The following TERT variants were observed in gnomAD, a reference collection of about 807,000 sequenced individuals.
TERT encodes the protein telomerase catalytic subunit.
A neutral mutation model predicts 104.0 loss-of-function variants in TERT; 42 were observed. The ratio of observed to expected loss-of-function variants is 0.40; its 90% CI spans 0.32 to 0.52. The LOEUF (loss-of-function observed/expected upper bound fraction) is 0.52, where lower values mean the gene tolerates loss of function less well. Ranked by LOEUF, TERT falls within the 20% of genes least tolerant of loss-of-function variation. The probability of loss-of-function intolerance (pLI) is 0.43; values close to 1 mark genes in which losing one functional copy is unlikely to be tolerated. For synonymous variants in TERT, 781 were observed against 725.6 expected (o/e 1.08, Z -1.23); for missense variants, 1,101 against 1,610.3 (o/e 0.68, Z 5.41).
rs1185864102 is a variant in TERT, at chr5:1,261,665, T to C, written c.2844-1065A>G. ...TCGCTGTCAGTTTCACATGCATTTC[T>C]TTGACGCTGCTGGTAGGACCTTCCC... On this transcript the variant is annotated intron_variant, in intron 11 of 15. Transcript: ENST00000310581. The surrounding 1 kb of genome is among the most constrained non-coding windows in gnomAD (Gnocchi z 7.4). Among the ~76,000 whole-genome samples, 2 of 152,238 alleles carry C rather than the reference T, an allele frequency of 1.3e-5. No individual in the cohort carries two copies. The highest frequency in any genetic ancestry group is 2.9e-5 in the Non-Finnish European group (2 of 68,034).
In TERT at chr5:1,255,557, T is replaced by A; in HGVS notation, c.3033-146A>T. ...ATGGGCACAGGTGCACACACACGGA[T>A]GCATGCATGCATGTCTGTGTGTGTG... On this transcript the variant is annotated intron_variant, in intron 13 of 15. Transcript: ENST00000310581. This position sits in a 1 kb window ranked among gnomAD's most constrained non-coding sequence, Gnocchi z 6.9. 1.1e-6 allele frequency: 1 copy of A among 936,064 alleles called. No individual in the cohort carries two copies. Among genetic ancestry groups the A allele is most frequent in the African/African-American group, 1.6e-5 (1 of 61,974 alleles). The allele number at this position is 936,064 out of a possible 1,614,324, so 58.0% of individuals were successfully genotyped here.
rs1360497384 is a variant in TERT, at chr5:1,288,255, T to C, written c.1573+5058A>G. Among the ~76,000 whole-genome samples the C allele has an allele frequency of 2.6e-5, 4 of 152,012 alleles. No individual in the cohort carries two copies. The highest frequency in any genetic ancestry group is 2.1e-4 in the South Asian group (1 of 4,820). ...TGGCTGATGTTGAGATTACTTCACA[T>C]CAAAACACAGGGTGCAGGTAAGGCA... On this transcript the variant is annotated intron_variant, in intron 2 of 15. Coordinates refer to ENST00000310581, the MANE Select transcript of TERT (RefSeq NM_198253.3). The surrounding 1 kb of genome is among the most constrained non-coding windows in gnomAD (Gnocchi z 5.3).
rs767558514 is a variant in TERT at position 1,293,678 on chromosome 5, C to A, written c.1208G>T (p.Cys403Phe). Reference sequence around the variant, plus strand: ...CGTCTTGAGGAGCACCCCGTAGGGGCACTGCGCGTGGTTCCCAAGCAGCTC... The same window carrying A: ...CGTCTTGAGGAGCACCCCGTAGGGGAACTGCGCGTGGTTCCCAAGCAGCTC... ...FLELLGNHAQ[C>F]PYGVLLKTHC... is the part of the protein sequence containing the mutation. The change falls in exon 2 of 16, where the codon TGC becomes TTC. Residue 403 changes from cysteine (C) to phenylalanine (F), a missense_variant. Cys to Phe is a radical substitution (Grantham distance 205). This residue lies in a region of TERT where 504 missense variants were observed against 544.6 expected (regional missense o/e 0.93). Coordinates refer to ENST00000310581, the MANE Select transcript of TERT (RefSeq NM_198253.3). 6.4e-7 allele frequency: 1 copy of A among 1,570,762 alleles called. No individual in the cohort carries two copies. Among genetic ancestry groups the A allele is most frequent in the Non-Finnish European group, 8.6e-7 (1 of 1,158,592 alleles).
At chr5:1,276,001 C>T (rs1252374129) in intron 6 of TERT, among the ~76,000 whole-genome samples, 1 of 146,422 alleles carries the variant, frequency 6.8e-6, no homozygotes, top group African/African-American at 2.5e-5. Context: ...TCCACAGATC[C>T]CCACCTACCC....
In TERT at chr5:1,286,187, C is replaced by T. The variant is rs546652324; in HGVS notation, c.1574-3563G>A. On this transcript the variant is annotated intron_variant, in intron 2 of 15. Coordinates refer to ENST00000310581, the MANE Select transcript of TERT (RefSeq NM_198253.3). This position sits in a 1 kb window ranked among gnomAD's most constrained non-coding sequence, Gnocchi z 5.3. Reference sequence around the variant, plus strand: ...CACGGGCCAAGATGACCGCCCTCCTCGTGAGTCTCCACATCTTCATCTGTG... The same window carrying T: ...CACGGGCCAAGATGACCGCCCTCCTTGTGAGTCTCCACATCTTCATCTGTG... 1.9e-3 allele frequency among the ~76,000 whole-genome samples: 283 copies of T among 152,274 alleles called. 2 individuals are homozygous for T. The highest frequency in any genetic ancestry group is 6.5e-3 in the African/African-American group (272 of 41,542).
chr5:1,288,384 A>G lies in TERT; in HGVS notation c.1573+4929T>C, dbSNP rs1750619722. Among the ~76,000 whole-genome samples, 1 of 152,164 alleles carries G rather than the reference A, an allele frequency of 6.6e-6. No individual in the cohort carries two copies. On this transcript the variant is annotated intron_variant, in intron 2 of 15. Transcript: ENST00000310581. This position sits in a 1 kb window ranked among gnomAD's most constrained non-coding sequence, Gnocchi z 5.3. ...GGAGAGATAGAAACGTCAGAGGTAA[A>G]TCAGTGAAATTCAAAACTAAGACCC... is the stretch of plus-strand genomic sequence containing the variant.
chr5:1,266,644 A>T, intron 9 of TERT, 109 bp from the exon 10 acceptor site: 1 of 961,052 alleles, frequency 1.0e-6, no homozygotes, highest in Non-Finnish European at 1.6e-6. Context: ...ATAAAGTAAC[A>T]TTCTCCAAAG....
At chr5:1,282,929 C>A in intron 2 of TERT, 1 of 482,606 alleles carries the variant, frequency 2.1e-6, no homozygotes, top group Admixed American at 3.2e-5. Flanking sequence ...CGAACTCACC[C>A]CGGACCTGCA....
intron 2 of TERT, 60 bp from the exon 3 acceptor site, chr5:1,282,684 A>G: frequency 1.3e-6 from 2 of 1,567,274 alleles, no homozygotes; most frequent in Non-Finnish European, 1.7e-6. Flanking sequence ...CTCACCCCGG[A>G]CCTGCACCAT....
chr5:1,279,247 C>T, intron 5 of TERT, 44 bp downstream of exon 5: 1 of 1,543,186 alleles, frequency 6.5e-7, no homozygotes, highest in Non-Finnish European at 8.7e-7. Context: ...GGCAGCCACT[C>T]CCAAGGTCCA....
At chr5:1,282,207 C>T (rs1056201066) in intron 3 of TERT, among the ~76,000 whole-genome samples, 2 of 152,232 alleles carry the variant, frequency 1.3e-5, no homozygotes, top group African/African-American at 4.8e-5. Flanking sequence ...CTAGAGACCA[C>T]TTGGCACAAA....
intron 6 of TERT, among the ~76,000 whole-genome samples, chr5:1,277,969 C>T (rs1749724596): frequency 6.6e-6 from 1 of 152,174 alleles, no homozygotes; most frequent in African/African-American, 2.4e-5. Flanking sequence ...AGCCCCAAGG[C>T]CCCCGGCCGC....
chr5:1,287,738 C>T lies in TERT; in HGVS notation c.1574-5114G>A, dbSNP rs981371304. Among the ~76,000 whole-genome samples, 4 of 152,010 alleles carry T rather than the reference C, an allele frequency of 2.6e-5. No homozygotes were observed. Among genetic ancestry groups the T allele is most frequent in the Non-Finnish European group, 5.9e-5 (4 of 68,012 alleles). Reference sequence around the variant, plus strand: ...ATGCTACCAAACGAGAAGAAATGAACAGACCCATCCCCCAGGTGAGGGACT... The same window carrying T: ...ATGCTACCAAACGAGAAGAAATGAATAGACCCATCCCCCAGGTGAGGGACT... On this transcript the variant is annotated intron_variant, in intron 2 of 15. Transcript: ENST00000310581. This position sits in a 1 kb window ranked among gnomAD's most constrained non-coding sequence, Gnocchi z 4.3.
Position 1,293,777 on chromosome 5 carries a change from G to T in TERT, c.1109C>A (p.Pro370His). The T allele has an allele frequency of 6.4e-7, 1 of 1,553,954 alleles. No homozygotes were observed. Among genetic ancestry groups the T allele is most frequent in the Non-Finnish European group, 8.7e-7 (1 of 1,148,858 alleles). The change falls in exon 2 of 16, where the codon CCC (proline) becomes CAC (histidine). Residue 370 changes from proline (P) to histidine (H), a missense_variant. This residue lies in a region of TERT where 504 missense variants were observed against 544.6 expected (regional missense o/e 0.93). Coordinates refer to ENST00000310581, the MANE Select transcript of TERT (RefSeq NM_198253.3). ...LVETIFLGSR[P>H]WMPGTPRRLP... is the part of the protein sequence containing the mutation. ...CCTGCGGGGAGTCCCTGGCATCCAGGGCCTGGAACCCAGAAAGATGGTCTC... is the reference window on the plus strand; with the variant it reads ...CCTGCGGGGAGTCCCTGGCATCCAGTGCCTGGAACCCAGAAAGATGGTCTC...
At chr5:1,259,518 C>T (rs1579549574) in intron 12 of TERT, among the ~76,000 whole-genome samples, 1 of 101,244 alleles carries the variant, frequency 9.9e-6, no homozygotes, top group African/African-American at 4.0e-5. Context: ...GACACGGACG[C>T]CCACAGGAGA....
chr5:1,264,657 C>T (rs962063245), intron 10 of TERT, 65 bp from the exon 11 acceptor site: 8 of 1,576,478 alleles, frequency 5.1e-6, no homozygotes, highest in Middle Eastern at 1.7e-4. Flanking sequence ...AACCTGACAC[C>T]CTTGTTAAAT....
At chr5:1,264,363 C>G (rs751983846) in intron 11 of TERT, 41 bp downstream of exon 11, 4 of 1,579,420 alleles carry the variant, frequency 2.5e-6, no homozygotes, top group Admixed American at 1.8e-5. Context: ...AGCACCTGCC[C>G]CAGCCGGGCA....
At chr5:1,293,137 C>G (rs949050384) in intron 2 of TERT, among the ~76,000 whole-genome samples, 176 bp downstream of exon 2, 1 of 152,364 alleles carries the variant, frequency 6.6e-6, no homozygotes, top group Admixed American at 6.5e-5. Context: ...GCAAACTGGA[C>G]AGGAGGGAGA....
chr5:1,279,539 C>T, intron 4 of TERT, 69 bp from the exon 5 acceptor site: 8 of 1,492,100 alleles, frequency 5.4e-6, no homozygotes, highest in Non-Finnish European at 7.3e-6. Flanking sequence ...ACCATAGGGA[C>T]CCAGGGGAGA....
Sources: gnomAD v4.1 joint callset for allele counts (sites outside exome capture counted in the v4.1 genomes callset) on GRCh38, gnomAD v4.1.1 for gene constraint, gnomAD v4.1.1 regional missense constraint, Gnocchi (gnomAD v3.1) non-coding constraint, MANE v1.5 for transcripts, NCBI Gene and HGNC (gene_info 2026-07-23, HGNC 2026-07-21) for gene names.